GRIK2: variants seen among roughly 807,000 people sequenced by gnomAD.
GRIK2 encodes the protein glutamate receptor ionotropic, kainate 2.
GRIK2 carries 32 observed loss-of-function variants against 100.3 expected under a neutral mutation model. The observed-to-expected ratio is 0.32, with a 90% CI of 0.24 to 0.43. The LOEUF (loss-of-function observed/expected upper bound fraction) is 0.43, where lower values mean the gene tolerates loss of function less well. Ranked by LOEUF, GRIK2 falls within the 20% of genes least tolerant of loss-of-function variation. The probability of loss-of-function intolerance (pLI) is 1.00; values close to 1 mark genes in which losing one functional copy is unlikely to be tolerated. For missense variants in GRIK2, 843 were observed against 1,114.9 expected, an observed-to-expected ratio of 0.76 and a Z score of 3.47; for synonymous variants, 417 against 389.4, an observed-to-expected ratio of 1.07 and a Z score of -0.83.
chr6:101,562,362 G>A (rs1051753996), intron 2 of GRIK2, among the ~76,000 whole-genome samples: 4 of 151,962 alleles, frequency 2.6e-5, no homozygotes, highest in African/African-American at 9.7e-5. Context: ...TTTCTGAGAC[G>A]GAGTCTCACT....
Position 101,621,974 on chromosome 6 carries a change from T to C in GRIK2, c.141T>C (p.Ser47=). ...GTGGTATTTTTGAATATGTGGAATC[T>C]GGCCCAATGGGAGCTGAGGAACTTG... is the stretch of plus-strand genomic sequence containing the variant. The part of the protein sequence containing the change: ...RFGGIFEYVE[S]GPMGAEELAF... The change falls in exon 3 of 17, where the codon TCT becomes TCC. Residue 47 remains serine, a synonymous_variant. Transcript: ENST00000369134. The C allele has an allele frequency of 6.2e-7, 1 of 1,609,894 alleles. No homozygotes were observed. Among genetic ancestry groups the C allele is most frequent in the Non-Finnish European group, 8.5e-7 (1 of 1,176,470 alleles).
intron 7 of GRIK2, among the ~76,000 whole-genome samples, chr6:101,734,270 G>T (rs764407924): frequency 6.6e-6 from 1 of 152,148 alleles, no homozygotes; most frequent in African/African-American, 2.4e-5. Context: ...AGACCCAGAA[G>T]AGTTAATGTT....
At chr6:102,012,835 T>C (rs1174257267) in intron 14 of GRIK2, among the ~76,000 whole-genome samples, 1 of 152,198 alleles carries the variant, frequency 6.6e-6, no homozygotes, top group Non-Finnish European at 1.5e-5. Flanking sequence ...TTGGTTACTG[T>C]AGCCTTGTAG....
intron 9 of GRIK2, among the ~76,000 whole-genome samples, chr6:101,816,559 C>T (rs1174890361): frequency 1.3e-5 from 2 of 151,986 alleles, no homozygotes; most frequent in Admixed American, 6.6e-5. Context: ...AGCGTGTTGG[C>T]GGGCGCCTGC....
chr6:101,826,784 T>TA (rs138023302), intron 10 of GRIK2, among the ~76,000 whole-genome samples: 7,069 of 151,866 alleles, frequency 0.047, 195 homozygotes, highest in Non-Finnish European at 0.059. Context: ...GCATACCATT[T>TA]AAAAAAAATG....
chr6:101,880,542 A>T (rs1786174863), intron 11 of GRIK2, among the ~76,000 whole-genome samples: 1 of 152,076 alleles, frequency 6.6e-6, no homozygotes, highest in Admixed American at 6.6e-5. Context: ...AGATTCTGTC[A>T]TATTATTTCA....
chr6:101,579,486 TTCTC>T (rs1185903988), intron 2 of GRIK2, among the ~76,000 whole-genome samples: 8 of 149,730 alleles, frequency 5.3e-5, no homozygotes, highest in Non-Finnish European at 1.2e-4. Context: ...TTCTTTTTCT[TTCTC>T]TTTCTTTCTT....
intron 7 of GRIK2, among the ~76,000 whole-genome samples, chr6:101,702,221 C>T (rs1449730097): frequency 6.6e-6 from 1 of 151,956 alleles, no homozygotes; most frequent in Non-Finnish European, 1.5e-5. Flanking sequence ...GCAAGTATCT[C>T]TTTATTCTTG....
At chr6:101,523,108 A>G (rs1774962573) in intron 2 of GRIK2, among the ~76,000 whole-genome samples, 1 of 144,632 alleles carries the variant, frequency 6.9e-6, no homozygotes, top group East Asian at 2.0e-4. Flanking sequence ...TCAAGTATAT[A>G]TTTAGAACAT....
At chr6:101,856,889 G>A (rs1415133353) in intron 10 of GRIK2, among the ~76,000 whole-genome samples, 1 of 152,016 alleles carries the variant, frequency 6.6e-6, no homozygotes, top group Non-Finnish European at 1.5e-5. Flanking sequence ...CAGCTGTATT[G>A]GATACTTCAT....
intron 2 of GRIK2, among the ~76,000 whole-genome samples, chr6:101,479,083 C>T (rs905417255): frequency 1.3e-5 from 2 of 152,092 alleles, no homozygotes; most frequent in Non-Finnish European, 2.9e-5. Context: ...ACAGCTTGTT[C>T]TCATTTTATT....
chr6:101,567,506 C>T (rs1180053138), intron 2 of GRIK2, among the ~76,000 whole-genome samples: 1 of 151,746 alleles, frequency 6.6e-6, no homozygotes, highest in African/African-American at 2.4e-5. Flanking sequence ...ACCTGTTTTT[C>T]CTCTATAGCA....
rs1478986170 is a variant in GRIK2, at chr6:101,626,421, C to T, written c.325C>T (p.Pro109Ser). Residue 109 changes from proline (P) to serine (S), a missense_variant, in exon 4 of 17, where the codon CCT becomes TCT. By Grantham distance (74) the Pro-to-Ser change is moderately conservative. Transcript: ENST00000369134. Reference sequence around the variant, plus strand: ...TCTTGGGGTGGCTGCCATCTTCGGGCCTTCACACAGCTCATCAGCAAACGC... The same window carrying T: ...TCTTGGGGTGGCTGCCATCTTCGGGTCTTCACACAGCTCATCAGCAAACGC... ...LSLGVAAIFGPSHSSSANAVQ... is the reference protein window; with the variant it reads ...LSLGVAAIFGSSHSSSANAVQ... 6.2e-7 allele frequency: 1 copy of T among 1,613,306 alleles called. No individual in the cohort carries two copies. Among genetic ancestry groups the T allele is most frequent in the Non-Finnish European group, 8.5e-7 (1 of 1,179,762 alleles).
intron 14 of GRIK2, among the ~76,000 whole-genome samples, chr6:102,004,676 C>G (rs1402326699): frequency 3.3e-5 from 5 of 151,824 alleles, no homozygotes; most frequent in African/African-American, 1.2e-4. Flanking sequence ...TTCCGTCTGC[C>G]CTCTAGTGCA....
chr6:101,671,923 T>G (rs531276984), intron 4 of GRIK2, among the ~76,000 whole-genome samples: 1 of 152,262 alleles, frequency 6.6e-6, no homozygotes, highest in African/African-American at 2.4e-5. Flanking sequence ...GGGACCCTTC[T>G]GAAGGGTACA....
At position 101,515,805 on chromosome 6, in the gene GRIK2, T is replaced by G. The variant is rs147082965; in HGVS notation, c.116-106144T>G. Among the ~76,000 whole-genome samples the G allele has an allele frequency of 1.2e-3, 188 of 152,310 alleles. 3 individuals are homozygous for G. Among genetic ancestry groups the G allele is most frequent in the African/African-American group, 3.9e-3 (162 of 41,584 alleles). ...CGATTTGTTTGAGTTTGTTGTAGATTATGGATATTAGTCCTTTATCAGAGG... is the reference window on the plus strand; with the variant it reads ...CGATTTGTTTGAGTTTGTTGTAGATGATGGATATTAGTCCTTTATCAGAGG... On this transcript the variant is annotated intron_variant, in intron 2 of 16. Transcript: ENST00000369134.
intron 4 of GRIK2, among the ~76,000 whole-genome samples, chr6:101,674,703 G>A (rs923141187): frequency 1.3e-5 from 2 of 152,056 alleles, no homozygotes; most frequent in African/African-American, 2.4e-5. Flanking sequence ...TATTTAAATA[G>A]CATTAGTAAA....
chr6:101,974,099 T>C (rs1250582196), intron 14 of GRIK2, among the ~76,000 whole-genome samples: 2 of 151,968 alleles, frequency 1.3e-5, no homozygotes, highest in Non-Finnish European at 2.9e-5. Flanking sequence ...GTCTCTACTA[T>C]ACAAATCTAA....
At chr6:101,986,463 G>T (rs557737138) in intron 14 of GRIK2, among the ~76,000 whole-genome samples, 20 of 151,884 alleles carry the variant, frequency 1.3e-4, no homozygotes, top group African/African-American at 4.6e-4. Flanking sequence ...ATTTTCTTCT[G>T]CATAGTTTGA....
Sources: gnomAD v4.1 joint callset for allele counts (sites outside exome capture counted in the v4.1 genomes callset) on GRCh38, gnomAD v4.1.1 for gene constraint, MANE v1.5 for transcripts, NCBI Gene and HGNC (gene_info 2026-07-23, HGNC 2026-07-21) for gene names.